Variants in TUBGCP3 observed in about 807,000 individuals in gnomAD.
TUBGCP3 encodes gamma-tubulin complex component 3.
TUBGCP3 carries 50 observed loss-of-function variants against 123.1 expected under a neutral mutation model. That is an observed-to-expected ratio of 0.41 (90% CI 0.32 to 0.51). The LOEUF is 0.51. Among genes scored for constraint, TUBGCP3 ranks in the 20% least tolerant of loss-of-function variants. The probability of loss-of-function intolerance (pLI) is 0.36; values close to 1 mark genes in which losing one functional copy is unlikely to be tolerated. For synonymous variants in TUBGCP3, 405 were observed against 413.9 expected (o/e 0.98, Z 0.26); for missense variants, 882 against 1,127.0 (o/e 0.78, Z 3.11).
chr13:112,578,262 A>G (rs1297061508), intron 1 of TUBGCP3, among the ~76,000 whole-genome samples: 1 of 152,098 alleles, frequency 6.6e-6, no homozygotes, highest in Non-Finnish European at 1.5e-5. Context: ...ATCTTGAGTT[A>G]AAAGAACCTG....
At chr13:112,587,120 T>C (rs1882661090) in intron 1 of TUBGCP3, 1 of 152,166 alleles carries the variant, frequency 6.6e-6, no homozygotes, top group South Asian at 2.1e-4. Context: ...AATTCCCTCA[T>C]GGTGCATCCT....
intron 2 of TUBGCP3, 98 bp from the exon 3 acceptor site, chr13:112,565,276 G>T (rs1284758152): frequency 1.6e-5 from 17 of 1,046,026 alleles, no homozygotes; most frequent in Non-Finnish European, 2.3e-5. Context: ...CGCAAGTGAT[G>T]AATTCAGAGT....
chr13:112,588,589 C>T (rs1882795470), upstream of TUBGCP3, among the ~76,000 whole-genome samples: 1 of 152,216 alleles, frequency 6.6e-6, no homozygotes, highest in African/African-American at 2.4e-5. Flanking sequence ...CGACCTCGCA[C>T]TGCCGCGCGG....
At chr13:112,574,636 C>G (rs1037539972) in intron 1 of TUBGCP3, among the ~76,000 whole-genome samples, 3 of 152,208 alleles carry the variant, frequency 2.0e-5, no homozygotes, top group Non-Finnish European at 4.4e-5. Flanking sequence ...CAGAAGTCAT[C>G]TCCGTCAAGA....
chr13:112,558,354 A>G lies in TUBGCP3; in HGVS notation c.390T>C (p.Pro130=). The G allele has an allele frequency of 6.2e-7, 1 of 1,609,458 alleles. No homozygotes were observed. The highest frequency in any genetic ancestry group is 8.5e-7 in the Non-Finnish European group (1 of 1,176,096). Residue 130 remains proline, a synonymous_variant, in exon 5 of 22, where the codon CCT becomes CCC. Coordinates refer to ENST00000261965, the MANE Select transcript of TUBGCP3 (RefSeq NM_006322.6). ...GGGTCTGAGGCCTGGCATAGTAGTA[A>G]GGGGTTGAGTGGGCATCTCTTGGTA... is the stretch of plus-strand genomic sequence containing the variant. ...QALPRDAHST[P]YYYARPQTLP...
Position 112,558,187 on chromosome 13 carries a change from T to C in TUBGCP3, c.548+9A>G. ...CATAGAGAATCTATACACGTCAGTG[T>C]GGCCTTACCCTGGGAGGAGAGATTG... On this transcript the variant is annotated intron_variant, in intron 5 of 21. Coordinates refer to ENST00000261965, the MANE Select transcript of TUBGCP3 (RefSeq NM_006322.6). 1 of 1,606,474 alleles carries C rather than the reference T, an allele frequency of 6.2e-7. No individual in the cohort carries two copies. Among genetic ancestry groups the C allele is most frequent in the Non-Finnish European group, 8.5e-7 (1 of 1,176,132 alleles).
chr13:112,585,538 G>C (rs1009146711), intron 1 of TUBGCP3, among the ~76,000 whole-genome samples: 1 of 151,874 alleles, frequency 6.6e-6, no homozygotes, highest in South Asian at 2.1e-4. Flanking sequence ...GCGGCAGGGG[G>C]GTGGGGTGCA....
chr13:112,493,603 C>T (rs1880290855), intron 20 of TUBGCP3, among the ~76,000 whole-genome samples: 1 of 150,278 alleles, frequency 6.7e-6, no homozygotes. Flanking sequence ...CCTGGTGTGC[C>T]TGAGATGCTC....
At position 112,582,397 on chromosome 13, in the gene TUBGCP3, G is replaced by A. The variant is rs142289142; in HGVS notation, c.76+5508C>T. On this transcript the variant is annotated intron_variant, in intron 1 of 21. Coordinates refer to ENST00000261965, the MANE Select transcript of TUBGCP3 (RefSeq NM_006322.6). ...ACCCAAGGCAGACTGTGATAAGAGC[G>A]TCAAAGAAAATGAGGGCACTATGAC... 1.6e-3 allele frequency among the ~76,000 whole-genome samples: 247 copies of A among 152,340 alleles called. 1 individual carries two copies. The highest frequency in any genetic ancestry group is 5.6e-3 in the African/African-American group (233 of 41,576).
intron 17 of TUBGCP3, 66 bp from the exon 18 acceptor site, chr13:112,504,780 C>T: frequency 7.9e-7 from 1 of 1,268,022 alleles, no homozygotes. Context: ...CGCTGTTCTC[C>T]CTTACCCACC....
intron 19 of TUBGCP3, among the ~76,000 whole-genome samples, chr13:112,501,918 C>T (rs1880932827): frequency 6.6e-6 from 1 of 152,142 alleles, no homozygotes; most frequent in African/African-American, 2.4e-5. Context: ...AAAGCTATGA[C>T]AATTTATCTC....
chr13:112,583,252 AC>A (rs1156956783), intron 1 of TUBGCP3, among the ~76,000 whole-genome samples: 5 of 152,248 alleles, frequency 3.3e-5, no homozygotes, highest in Non-Finnish European at 7.3e-5. Context: ...AATATTAAAT[AC>A]ATACTATATC....
chr13:112,513,851 G>A (rs541976269), intron 17 of TUBGCP3, among the ~76,000 whole-genome samples: 31 of 152,200 alleles, frequency 2.0e-4, no homozygotes, highest in African/African-American at 7.0e-4. Context: ...TGCTGTCAAC[G>A]GCAGTCCAGA....
At chr13:112,533,733 C>A (rs1250227862) in intron 11 of TUBGCP3, among the ~76,000 whole-genome samples, 1 of 149,274 alleles carries the variant, frequency 6.7e-6, no homozygotes, top group Non-Finnish European at 1.5e-5. Flanking sequence ...CGCATATTAC[C>A]ACATCACTGA....
intron 21 of TUBGCP3, among the ~76,000 whole-genome samples, chr13:112,487,085 G>C (rs141468431): frequency 5.4e-4 from 50 of 92,072 alleles, no homozygotes; most frequent in African/African-American, 1.0e-3. Flanking sequence ...GTGTGTGTCT[G>C]TGTGTGTGTG....
intron 20 of TUBGCP3, among the ~76,000 whole-genome samples, chr13:112,492,665 C>G (rs2139190956): frequency 6.6e-6 from 1 of 151,808 alleles, no homozygotes; most frequent in Non-Finnish European, 1.5e-5. Flanking sequence ...CTGAGATGCT[C>G]TGGCTATGGG....
intron 11 of TUBGCP3, chr13:112,544,752 C>T (rs1163109234): frequency 6.6e-6 from 1 of 152,340 alleles, no homozygotes; most frequent in African/African-American, 2.4e-5. Context: ...CGCAGATGCA[C>T]ACACGCCATG....
intron 17 of TUBGCP3, among the ~76,000 whole-genome samples, chr13:112,513,443 G>T (rs1049491938): frequency 1.4e-4 from 21 of 152,188 alleles, no homozygotes; most frequent in African/African-American, 4.8e-4. Context: ...ACTTTCACAT[G>T]TAACTACTTT....
chr13:112,529,297 T>G (rs1877380223), intron 11 of TUBGCP3, among the ~76,000 whole-genome samples: 1 of 152,258 alleles, frequency 6.6e-6, no homozygotes, highest in Non-Finnish European at 1.5e-5. Flanking sequence ...CACCATCCTT[T>G]CCTCTGAGCT....
Sources: allele counts gnomAD v4.1 joint callset (sites outside exome capture counted in the v4.1 genomes callset), GRCh38; gene constraint gnomAD v4.1.1; transcripts MANE v1.5; gene names NCBI Gene and HGNC (gene_info 2026-07-23, HGNC 2026-07-21).